The following CUL1 variants were observed in gnomAD, a reference collection of about 807,000 sequenced individuals.
The protein encoded by CUL1 is cullin 1, also known as cullin-1.
A neutral mutation model predicts 118.0 loss-of-function variants in CUL1; 24 were observed. That is an observed-to-expected ratio of 0.20 (90% CI 0.15 to 0.29). The LOEUF (loss-of-function observed/expected upper bound fraction) is 0.29. Among genes scored for constraint, CUL1 ranks in the 10% least tolerant of loss-of-function variants. CUL1 has a pLI of 1.00. For synonymous variants in CUL1, 332 were observed against 340.4 expected (o/e 0.98, Z 0.27); for missense variants, 361 against 933.8 (o/e 0.39, Z 7.99).
chr7:148,797,151 G>A lies in CUL1; in HGVS notation c.1900-661G>A, dbSNP rs989308368. On this transcript the variant is annotated intron_variant, in intron 17 of 21. Transcript: ENST00000325222. ...GCATCAAAGGCAAGTTGACAAGGTC[G>A]CCTGCCGCTGAGCCCCACTGTTCTC... Among the ~76,000 whole-genome samples, 128 of 152,142 alleles carry A rather than the reference G, an allele frequency of 8.4e-4. 1 individual carries two copies. The highest frequency in any genetic ancestry group is 1.9e-4 in the East Asian group (1 of 5,198).
At chr7:148,713,277 A>G (rs1287140255) in intron 1 of CUL1, among the ~76,000 whole-genome samples, 2 of 152,188 alleles carry the variant, frequency 1.3e-5, no homozygotes, top group Non-Finnish European at 2.9e-5. Context: ...GAGAACTGAT[A>G]CTCAGTCCTC....
chr7:148,699,703 C>T (rs959735661), intron 1 of CUL1, among the ~76,000 whole-genome samples: 1 of 152,092 alleles, frequency 6.6e-6, no homozygotes, highest in Non-Finnish European at 1.5e-5. Context: ...GGAGAGCGGG[C>T]CGGGGCATGC....
At chr7:148,778,591 G>T (rs1309424145) in intron 9 of CUL1, among the ~76,000 whole-genome samples, 1 of 152,224 alleles carries the variant, frequency 6.6e-6, no homozygotes, top group Non-Finnish European at 1.5e-5. Flanking sequence ...TTGTTACTTA[G>T]TGGGGCCTCA....
chr7:148,745,880 A>G (rs1308877180), intron 2 of CUL1, among the ~76,000 whole-genome samples: 1 of 152,100 alleles, frequency 6.6e-6, no homozygotes, highest in Non-Finnish European at 1.5e-5. Context: ...CAATTTAGAT[A>G]TACGTTGAAC....
At chr7:148,697,973 A>G (rs1020247347), upstream of CUL1, 1 of 152,248 alleles carries the variant, frequency 6.6e-6, no homozygotes, top group East Asian at 1.9e-4. Flanking sequence ...CTAAGTCTTG[A>G]TATGTCCTTA....
intron 1 of CUL1, among the ~76,000 whole-genome samples, chr7:148,718,399 A>G (rs1431216855): frequency 6.6e-6 from 1 of 151,782 alleles, no homozygotes; most frequent in Non-Finnish European, 1.5e-5. Flanking sequence ...CATCCCCACA[A>G]CCCCAGGCAG....
intron 2 of CUL1, among the ~76,000 whole-genome samples, chr7:148,743,012 C>T (rs59430913): frequency 0.042 from 6,366 of 152,164 alleles, 471 homozygotes; most frequent in African/African-American, 0.14. Context: ...CCATTTAATT[C>T]AAAACACTTT....
intron 1 of CUL1, among the ~76,000 whole-genome samples, chr7:148,710,740 C>A (rs1170507642): frequency 1.3e-5 from 2 of 151,852 alleles, no homozygotes; most frequent in Non-Finnish European, 2.9e-5. Flanking sequence ...CTCACTGCAA[C>A]CCCCGCCTTC....
Position 148,730,038 on chromosome 7 carries a change from G to T in CUL1, c.-85G>T. 6.9e-7 allele frequency: 1 copy of T among 1,452,502 alleles called. No individual in the cohort carries two copies. The highest frequency in any genetic ancestry group is 9.4e-7 in the Non-Finnish European group (1 of 1,069,152). The allele number at this position is 1,452,502 out of a possible 1,614,324, so 90.0% of individuals were successfully genotyped here. On this transcript the variant is annotated 5_prime_UTR_variant, in exon 2 of 22. Transcript: ENST00000325222. ...AGCTGCTGTGAATAAATTTGGAATG[G>T]TACTGTATATTTTCATCTAATGGAG... is the stretch of plus-strand genomic sequence containing the variant.
rs780051155 is a variant in CUL1, at chr7:148,760,507, A to C, written c.789+11A>C. 6.3e-7 allele frequency: 1 copy of C among 1,594,700 alleles called. No homozygotes were observed. Among genetic ancestry groups the C allele is most frequent in the South Asian group, 1.1e-5 (1 of 88,544 alleles). On this transcript the variant is annotated intron_variant, in intron 7 of 21. Coordinates refer to ENST00000325222, the MANE Select transcript of CUL1 (RefSeq NM_003592.3). ...GAATATATGAAAAAGGTAAGCTTAA[A>C]TATAGTACTTTAAGTAGACTTAAGT...
At chr7:148,738,414 C>A (rs1462886722) in intron 2 of CUL1, among the ~76,000 whole-genome samples, 1 of 152,164 alleles carries the variant, frequency 6.6e-6, no homozygotes, top group East Asian at 1.9e-4. Context: ...CATGCCTTGG[C>A]AGACAACGTT....
chr7:148,698,868 G>GA (rs1469576009), upstream of CUL1: 1 of 156,176 alleles, frequency 6.4e-6, no homozygotes, highest in Non-Finnish European at 1.4e-5. Flanking sequence ...GGCAGGGGAG[G>GA]AGGAGGAGGC....
At chr7:148,710,771 C>A (rs564098743) in intron 1 of CUL1, among the ~76,000 whole-genome samples, 30 of 151,800 alleles carry the variant, frequency 2.0e-4, no homozygotes, top group African/African-American at 6.0e-4. Context: ...TCAAGCAATT[C>A]TCCTGCGTCA....
intron 9 of CUL1, among the ~76,000 whole-genome samples, chr7:148,783,078 C>G (rs959495295): frequency 3.9e-5 from 6 of 152,230 alleles, no homozygotes; most frequent in African/African-American, 7.2e-5. Context: ...CGCTGCATGC[C>G]TAGCAGCAGC....
chr7:148,721,294 T>G (rs1798387632), intron 1 of CUL1, among the ~76,000 whole-genome samples: 2 of 152,216 alleles, frequency 1.3e-5, no homozygotes, highest in Non-Finnish European at 2.9e-5. Context: ...CCCTGAGCAC[T>G]TCTTCCCAAA....
At position 148,717,828 on chromosome 7, in the gene CUL1, T is replaced by G. The variant is rs149029206; in HGVS notation, c.-161-12134T>G. ...ACATTCTGTAAAGGCTTCCTGATCT[T>G]GTAGCCTGAAACGACTTCTTTCCCC... On this transcript the variant is annotated intron_variant, in intron 1 of 21. Transcript: ENST00000325222. Among the ~76,000 whole-genome samples, 21 of 152,332 alleles carry G rather than the reference T, an allele frequency of 1.4e-4. No individual in the cohort carries two copies. In the East Asian group the frequency reaches 4.0e-3, roughly 29 times the overall value.
chr7:148,799,557 C>G (rs1801319040), intron 21 of CUL1, among the ~76,000 whole-genome samples, 169 bp downstream of exon 21: 1 of 152,194 alleles, frequency 6.6e-6, no homozygotes, highest in African/African-American at 2.4e-5. Flanking sequence ...AACACACATA[C>G]AAAGTGCACA....
chr7:148,776,365 G>C (rs1343551600), intron 9 of CUL1, among the ~76,000 whole-genome samples: 1 of 112,082 alleles, frequency 8.9e-6, no homozygotes, highest in East Asian at 2.9e-4. Flanking sequence ...CACCCAGGCT[G>C]GAGTGCAGTG....
chr7:148,794,683 T>TC, intron 17 of CUL1, among the ~76,000 whole-genome samples: 1 of 152,306 alleles, frequency 6.6e-6, no homozygotes, highest in Non-Finnish European at 1.5e-5. Flanking sequence ...GTATTTTAAG[T>TC]CTCCCACTCC....
Sources: allele counts gnomAD v4.1 joint callset (sites outside exome capture counted in the v4.1 genomes callset), GRCh38; gene constraint gnomAD v4.1.1; transcripts MANE v1.5; gene names NCBI Gene and HGNC (gene_info 2026-07-23, HGNC 2026-07-21).